Variants in CD109 observed in about 807,000 individuals in gnomAD.
CD109 encodes CD109 molecule.
CD109 carries 149 observed loss-of-function variants against 165.8 expected under a neutral mutation model. The ratio of observed to expected loss-of-function variants is 0.90; its 90% CI spans 0.79 to 1.03. The LOEUF (loss-of-function observed/expected upper bound fraction) is 1.03, where lower values mean the gene tolerates loss of function less well. Ranked by LOEUF, CD109 falls within the 50% of genes least tolerant of loss-of-function variation. CD109 has a pLI of 0.00. For synonymous variants in CD109, 585 were observed against 592.1 expected, an observed-to-expected ratio of 0.99 and a Z score of 0.18; for missense variants, 1,712 against 1,677.8, an observed-to-expected ratio of 1.02 and a Z score of -0.36.
Position 73,785,806 on chromosome 6 carries a change from T to A in CD109, c.2337+329T>A, listed in dbSNP as rs113678582. On this transcript the variant is annotated intron_variant, in intron 20 of 32. Coordinates refer to ENST00000287097, the MANE Select transcript of CD109 (RefSeq NM_133493.5). ...TGGTTTTCCCCACATCTAGAATGTG[T>A]GGCCACTTCTCACTGCCACTCTGTG... Among the ~76,000 whole-genome samples, 578 of 151,950 alleles carry A rather than the reference T, an allele frequency of 3.8e-3. 3 individuals carry two copies. Among genetic ancestry groups the A allele is most frequent in the African/African-American group, 0.013 (556 of 41,464 alleles).
At chr6:73,790,019 G>A (rs1270834263) in intron 22 of CD109, among the ~76,000 whole-genome samples, 1 of 150,662 alleles carries the variant, frequency 6.6e-6, no homozygotes, top group African/African-American at 2.4e-5. Flanking sequence ...ACAGGTGTGA[G>A]CCATGGCACT....
rs541869550 is a variant in CD109 at position 73,777,200 on chromosome 6, T to C, written c.1828-3224T>C. ...CTTGAAAACTCTTGATCTCAGGTGA[T>C]CTGCCTACCTTGGCCTCCCAAAGTG... On this transcript the variant is annotated intron_variant, in intron 15 of 32. Coordinates refer to ENST00000287097, the MANE Select transcript of CD109 (RefSeq NM_133493.5). 2.0e-3 allele frequency among the ~76,000 whole-genome samples: 304 copies of C among 152,148 alleles called. 1 individual carries two copies. Among genetic ancestry groups the C allele is most frequent in the Non-Finnish European group, 3.8e-3 (255 of 67,986 alleles).
At chr6:73,780,743 A>G (rs945138241) in intron 16 of CD109, among the ~76,000 whole-genome samples, 1 of 122,628 alleles carries the variant, frequency 8.2e-6, no homozygotes, top group Non-Finnish European at 1.7e-5. Context: ...CTTTATGTAT[A>G]TGTATTTCCA....
chr6:73,802,307 T>TATATATA (rs1775393783), intron 23 of CD109, among the ~76,000 whole-genome samples: 2 of 52,538 alleles, frequency 3.8e-5, no homozygotes, highest in African/African-American at 7.7e-5. Flanking sequence ...ATATATATAT[T>TATATATA]TTTTTTTTTT....
chr6:73,699,687 G>C lies in CD109; in HGVS notation c.247+2115G>C, dbSNP rs540337384. On this transcript the variant is annotated intron_variant, in intron 2 of 32. Coordinates refer to ENST00000287097, the MANE Select transcript of CD109 (RefSeq NM_133493.5). ...GTTCAAGTACTCAAGACTGGGGCGG[G>C]CAAAGCTGTCCTGGGAGCAGAATGG... Among the ~76,000 whole-genome samples, 179 of 152,298 alleles carry C rather than the reference G, an allele frequency of 1.2e-3. 1 individual carries two copies. The highest frequency in any genetic ancestry group is 3.5e-3 in the South Asian group (17 of 4,822).
At chr6:73,803,345 G>C in intron 24 of CD109, 44 bp downstream of exon 24, 2 of 1,438,574 alleles carry the variant, frequency 1.4e-6, no homozygotes, top group Non-Finnish European at 2.0e-6. Context: ...CATGGAATGG[G>C]CTTTCACTAG....
At position 73,808,261 on chromosome 6, in the gene CD109, G is replaced by A. The variant is rs76436469; in HGVS notation, c.3355+13G>A. The stretch of plus-strand genomic sequence containing the variant: ...GCAGAACAAGAAGGTAATGTGCTGG[G>A]CCCACTTGAGGTTGTTATGCTTTAT... On this transcript the variant is annotated intron_variant, in intron 26 of 32. Transcript: ENST00000287097. The A allele has an allele frequency of 4.4e-3, 7,031 of 1,600,344 alleles. 288 individuals are homozygous for A. In the African/African-American group the frequency reaches 0.083, roughly 19 times the overall value.
At chr6:73,781,818 C>A (rs1582150077) in intron 17 of CD109, among the ~76,000 whole-genome samples, 2 of 123,490 alleles carry the variant, frequency 1.6e-5, no homozygotes, top group Non-Finnish European at 3.4e-5. Context: ...CACACGCAGA[C>A]ACACACACAC....
chr6:73,771,306 G>C, intron 14 of CD109, 123 bp from the exon 15 acceptor site: 1 of 726,132 alleles, frequency 1.4e-6, no homozygotes, highest in South Asian at 2.0e-5. Context: ...CATGGTTTTA[G>C]AATTATCCCT....
At chr6:73,794,643 C>T (rs1775092585) in intron 23 of CD109, among the ~76,000 whole-genome samples, 1 of 152,120 alleles carries the variant, frequency 6.6e-6, no homozygotes, top group Non-Finnish European at 1.5e-5. Flanking sequence ...TGTATGAGAT[C>T]ACAAACCAAG....
Position 73,700,790 on chromosome 6 carries a change from G to GTTTTT in CD109, c.247+3243_247+3247dup, listed in dbSNP as rs58140668. Among the ~76,000 whole-genome samples the GTTTTT allele has an allele frequency of 1.9e-3, 100 of 51,480 alleles. 21 individuals carry two copies. The highest frequency in any genetic ancestry group is 2.7e-3 in the African/African-American group (33 of 12,442). 33.8% of individuals were successfully genotyped at this position (51,480 alleles called of 152,430 possible). A position where few individuals can be genotyped will look rare whatever the true frequency, so the allele number is the denominator to read the frequency against. On this transcript the variant is annotated intron_variant, in intron 2 of 32. Transcript: ENST00000287097. ...CTACATTTATTGGGGATTGATTGTA[G>GTTTTT]TTTTTTTTTTTTTTTTTTTTTTTTT...
intron 9 of CD109, 65 bp downstream of exon 9, chr6:73,762,947 A>G: frequency 7.3e-7 from 1 of 1,375,636 alleles, no homozygotes; most frequent in East Asian, 2.4e-5. Context: ...CTTTCTTATT[A>G]TAACTGGCAC....
the CD109 span, among the ~76,000 whole-genome samples, chr6:73,686,102 G>A: frequency 1.2e-4 from 19 of 152,276 alleles, no homozygotes; most frequent in African/African-American, 4.6e-4. Context: ...TTGGGAAAGG[G>A]GTAACTTGAG....
At chr6:73,692,426 T>C (rs1390179910), upstream of CD109, among the ~76,000 whole-genome samples, 1 of 152,162 alleles carries the variant, frequency 6.6e-6, no homozygotes, top group Non-Finnish European at 1.5e-5. Flanking sequence ...AGATATAATA[T>C]ATATTTATTG....
chr6:73,796,116 A>G (rs899111700), intron 23 of CD109, among the ~76,000 whole-genome samples: 3 of 152,168 alleles, frequency 2.0e-5, no homozygotes, highest in Admixed American at 1.3e-4. Flanking sequence ...ATGATTGCTC[A>G]CTGGACTACT....
chr6:73,775,823 C>T (rs1774225328), intron 15 of CD109, among the ~76,000 whole-genome samples: 2 of 152,182 alleles, frequency 1.3e-5, no homozygotes, highest in African/African-American at 2.4e-5. Context: ...CCTCCAGCTC[C>T]ATCCATGTAC....
chr6:73,811,270 G>A, intron 28 of CD109, 123 bp downstream of exon 28: 1 of 1,132,114 alleles, frequency 8.8e-7, no homozygotes. Flanking sequence ...AGAGTAATAG[G>A]GAGAAGTGGT....
chr6:73,765,942 C>T lies in CD109; in HGVS notation c.1120C>T (p.Arg374Cys), dbSNP rs751461139. 1.2e-5 allele frequency: 19 copies of T among 1,612,640 alleles called. No homozygotes were observed. The highest frequency in any genetic ancestry group is 4.4e-5 in the South Asian group (4 of 90,886). ...LNFTATVKVT[R>C]ADGNQLTLEE... ...TTTTGACCATTAGGTGAAGGTAACTCGTGCTGATGGCAACCAACTGACTCT... is the reference window on the plus strand; with the variant it reads ...TTTTGACCATTAGGTGAAGGTAACTTGTGCTGATGGCAACCAACTGACTCT... The change falls in exon 11 of 33, where the codon CGT (arginine) becomes TGT (cysteine). Residue 374 changes from arginine to cysteine, a missense_variant. Transcript: ENST00000287097.
At chr6:73,706,396 G>T (rs1771266290) in intron 2 of CD109, among the ~76,000 whole-genome samples, 1 of 152,162 alleles carries the variant, frequency 6.6e-6, no homozygotes, top group Non-Finnish European at 1.5e-5. Context: ...GGAGAGAGAA[G>T]AGGAAAGGGC....
Sources: gnomAD v4.1 joint callset for allele counts (sites outside exome capture counted in the v4.1 genomes callset) on GRCh38, gnomAD v4.1.1 for gene constraint, MANE v1.5 for transcripts, NCBI Gene and HGNC (gene_info 2026-07-23, HGNC 2026-07-21) for gene names.